CSMD1: variants seen among roughly 807,000 people sequenced by gnomAD.
The protein encoded by CSMD1 is CUB and sushi domain-containing protein 1.
In CSMD1, 213 loss-of-function variants were observed where a neutral mutation model predicts 417.5. The ratio of observed to expected loss-of-function variants is 0.51; its 90% confidence interval spans 0.46 to 0.57. CSMD1 has a LOEUF of 0.57. CSMD1 is among the 20% of genes least tolerant of loss of function. CSMD1 has a pLI of 0.00. For synonymous variants in CSMD1, 2,862 were observed against 1,736.8 expected (o/e 1.65, Z -16.11); for missense variants, 6,923 against 4,529.7 (o/e 1.53, Z -15.17).
At chr8:4,679,312 G>C (rs1805894701) in intron 1 of CSMD1, among the ~76,000 whole-genome samples, 1 of 152,192 alleles carries the variant, frequency 6.6e-6, no homozygotes, top group Non-Finnish European at 1.5e-5. Context: ...GAAGGGCGAA[G>C]TTGACACCTT....
intron 8 of CSMD1, among the ~76,000 whole-genome samples, chr8:3,595,578 T>G (rs778692503): frequency 2.6e-5 from 4 of 152,146 alleles, no homozygotes; most frequent in Non-Finnish European, 5.9e-5. Context: ...GATCCCTTAA[T>G]GACAATCAAA....
intron 11 of CSMD1, among the ~76,000 whole-genome samples, chr8:3,473,563 A>G (rs1296515697): frequency 5.3e-5 from 8 of 152,198 alleles, no homozygotes; most frequent in Non-Finnish European, 1.0e-4. Flanking sequence ...AGCAAGCAAT[A>G]TTGTTGCCCT....
Position 4,243,312 on chromosome 8 carries a change from T to C in CSMD1, c.415+176641A>G, listed in dbSNP as rs531926265. ...GAATTTCATGGTAAAGGCTCTTGGC[T>C]AAATCTGAAATTGCTGTACTAAAGC... is the stretch of plus-strand genomic sequence containing the variant. On this transcript the variant is annotated intron_variant, in intron 3 of 69. Coordinates refer to ENST00000635120, the MANE Select transcript of CSMD1 (RefSeq NM_033225.6). 1.1e-4 allele frequency among the ~76,000 whole-genome samples: 17 copies of C among 152,238 alleles called. No individual in the cohort carries two copies. The South Asian group carries it at 3.5e-3, about 32-fold the overall frequency.
chr8:3,268,565 C>T (rs373082036), intron 26 of CSMD1, among the ~76,000 whole-genome samples: 4 of 151,914 alleles, frequency 2.6e-5, no homozygotes, highest in Non-Finnish European at 4.4e-5. Flanking sequence ...GGATTACAGG[C>T]GTGAGCCACC....
At chr8:4,903,915 C>G (rs28726191) in intron 1 of CSMD1, among the ~76,000 whole-genome samples, 3,074 of 152,276 alleles carry the variant, frequency 0.02, 73 homozygotes, top group East Asian at 0.091. Context: ...ACATTGAAGA[C>G]TATATTTCCT....
rs1259070260 is a variant in CSMD1, at chr8:4,455,545, T to G, written c.303-35480A>C. Reference sequence around the variant, plus strand: ...ACCAGAAACACATCATGGGCCTCACTTTATAGAATATGACCTCCTGCTTGT... The same window carrying G: ...ACCAGAAACACATCATGGGCCTCACGTTATAGAATATGACCTCCTGCTTGT... On this transcript the variant is annotated intron_variant, in intron 2 of 69. Coordinates refer to ENST00000635120, the MANE Select transcript of CSMD1 (RefSeq NM_033225.6). Among the ~76,000 whole-genome samples, 11 of 152,136 alleles carry G rather than the reference T, an allele frequency of 7.2e-5. No individual in the cohort carries two copies. The East Asian group carries it at 2.1e-3, about 29-fold the overall frequency.
intron 5 of CSMD1, among the ~76,000 whole-genome samples, chr8:3,931,526 T>A (rs1270070269): frequency 6.7e-6 from 1 of 150,272 alleles, no homozygotes; most frequent in Non-Finnish European, 1.5e-5. Context: ...TTCATTGAAT[T>A]ACAGTAAATT....
chr8:3,501,493 G>C (rs910759633), intron 10 of CSMD1, among the ~76,000 whole-genome samples: 4 of 152,116 alleles, frequency 2.6e-5, no homozygotes, highest in African/African-American at 4.8e-5. Flanking sequence ...ATATAAATCA[G>C]TACCAAGACC....
intron 1 of CSMD1, among the ~76,000 whole-genome samples, chr8:4,895,109 A>G (rs1034548366): frequency 6.6e-6 from 1 of 152,218 alleles, no homozygotes; most frequent in Non-Finnish European, 1.5e-5. Flanking sequence ...ACTGGTTATT[A>G]AAGAGTTTTC....
chr8:4,163,284 T>C (rs752155006), intron 3 of CSMD1, among the ~76,000 whole-genome samples: 4 of 152,154 alleles, frequency 2.6e-5, no homozygotes, highest in South Asian at 2.1e-4. Flanking sequence ...GTTGAGAGTA[T>C]GTTTAGTTTT....
chr8:4,206,189 G>A (rs1044090691), intron 3 of CSMD1, among the ~76,000 whole-genome samples: 14 of 151,780 alleles, frequency 9.2e-5, no homozygotes, highest in African/African-American at 3.2e-4. Context: ...TGAAAAATGA[G>A]GATTTCTTTT....
intron 10 of CSMD1, among the ~76,000 whole-genome samples, chr8:3,498,052 T>C (rs889399532): frequency 1.3e-5 from 2 of 152,224 alleles, no homozygotes; most frequent in Non-Finnish European, 1.5e-5. Flanking sequence ...CTCTAATGTA[T>C]AGCTTTGCTG....
chr8:3,846,285 T>A (rs569747041), intron 5 of CSMD1, among the ~76,000 whole-genome samples: 1 of 152,180 alleles, frequency 6.6e-6, no homozygotes. Context: ...ACCATGTCAA[T>A]AGGTGATAGG....
At chr8:4,970,238 G>T (rs934620302) in intron 1 of CSMD1, among the ~76,000 whole-genome samples, 5 of 152,052 alleles carry the variant, frequency 3.3e-5, no homozygotes, top group Non-Finnish European at 7.4e-5. Flanking sequence ...TTCACTTTGG[G>T]AGCTGAGTAA....
intron 1 of CSMD1, among the ~76,000 whole-genome samples, chr8:4,975,204 C>A (rs576089760): frequency 6.6e-6 from 1 of 152,246 alleles, no homozygotes; most frequent in South Asian, 2.1e-4. Flanking sequence ...GGTGACTTTT[C>A]TTTCCAAAGT....
chr8:4,181,643 A>T (rs1262533753), intron 3 of CSMD1, among the ~76,000 whole-genome samples: 1 of 152,188 alleles, frequency 6.6e-6, no homozygotes, highest in Non-Finnish European at 1.5e-5. Flanking sequence ...CATTGCCTGT[A>T]AGAAAAGTTA....
intron 5 of CSMD1, among the ~76,000 whole-genome samples, chr8:3,848,626 G>A (rs958423644): frequency 2.6e-5 from 4 of 152,132 alleles, no homozygotes; most frequent in Admixed American, 6.5e-5. Context: ...CTAAAGTGCA[G>A]AGAATAGATG....
intron 7 of CSMD1, among the ~76,000 whole-genome samples, chr8:3,658,466 G>GTA (rs60906631): frequency 2.7e-4 from 39 of 145,696 alleles, no homozygotes; most frequent in Middle Eastern, 3.6e-3. Context: ...TATATATTGT[G>GTA]TATATATATA....
chr8:4,800,481 T>C (rs976002707), intron 1 of CSMD1, among the ~76,000 whole-genome samples: 2 of 151,842 alleles, frequency 1.3e-5, no homozygotes, highest in African/African-American at 2.4e-5. Context: ...ATCACCTTTG[T>C]CTTAGGTTTA....
Sources: allele counts gnomAD v4.1 joint callset (sites outside exome capture counted in the v4.1 genomes callset), GRCh38; gene constraint gnomAD v4.1.1; transcripts MANE v1.5; gene names NCBI Gene and HGNC (gene_info 2026-07-23, HGNC 2026-07-21).